TAOK3: variants seen among roughly 807,000 people sequenced by gnomAD.
The protein encoded by TAOK3 is TAO kinase 3, also known as serine/threonine-protein kinase TAO3.
Under a neutral mutation model 120.4 loss-of-function variants are expected in TAOK3, and 40 were observed. That is an observed-to-expected ratio of 0.33 (90% CI 0.26 to 0.43). The LOEUF (loss-of-function observed/expected upper bound fraction) is 0.43. Among genes scored for constraint, TAOK3 ranks in the 20% least tolerant of loss-of-function variants. TAOK3 has a pLI of 1.00. For missense variants in TAOK3, 821 were observed against 1,112.1 expected, an observed-to-expected ratio of 0.74 and a Z score of 3.72; for synonymous variants, 355 against 387.5, an observed-to-expected ratio of 0.92 and a Z score of 0.99.
At chr12:118,311,807 A>G (rs2043273435) in intron 1 of TAOK3, among the ~76,000 whole-genome samples, 1 of 152,222 alleles carries the variant, frequency 6.6e-6, no homozygotes, top group South Asian at 2.1e-4. Flanking sequence ...GAACTCAATG[A>G]AGTTACTGTT....
chr12:118,151,888 C>T (rs1161393011), intron 20 of TAOK3, among the ~76,000 whole-genome samples: 1 of 152,096 alleles, frequency 6.6e-6, no homozygotes, highest in African/African-American at 2.4e-5. Context: ...ATTTGGCTTC[C>T]TCGTGCCATT....
At chr12:118,214,600 G>A (rs987143572) in intron 9 of TAOK3, among the ~76,000 whole-genome samples, 9 of 149,028 alleles carry the variant, frequency 6.0e-5, no homozygotes, top group Admixed American at 2.7e-4. Context: ...TTTTTGTGAC[G>A]GAGTCTTGCT....
At chr12:118,370,365 T>C (rs2045863031) in intron 1 of TAOK3, among the ~76,000 whole-genome samples, 1 of 152,220 alleles carries the variant, frequency 6.6e-6, no homozygotes, top group Non-Finnish European at 1.5e-5. Flanking sequence ...GGCATCTGCA[T>C]TATATATTTA....
At chr12:118,207,625 C>T (rs1030088182) in intron 11 of TAOK3, among the ~76,000 whole-genome samples, 3 of 151,802 alleles carry the variant, frequency 2.0e-5, no homozygotes, top group Non-Finnish European at 4.4e-5. Context: ...GAGGCTGAGG[C>T]GGGTGGATTA....
At chr12:118,180,959 C>T (rs1329249006) in intron 15 of TAOK3, among the ~76,000 whole-genome samples, 2 of 151,962 alleles carry the variant, frequency 1.3e-5, no homozygotes, top group Non-Finnish European at 2.9e-5. Flanking sequence ...ATTCTCCTGC[C>T]TCAGCCTCCT....
rs2045941168 is a variant in TAOK3, at chr12:118,372,802, G to A, written c.-348C>T. On this transcript the variant is annotated 5_prime_UTR_variant, in exon 1 of 21. Transcript: ENST00000392533. This position sits in a 1 kb window ranked among gnomAD's most constrained non-coding sequence, Gnocchi z 4.6. ...ATCCGGCTGTGCGCAGCCTCTGCTC[G>A]CGGTCTCGGCGTTGCGTCCCACTCT... The A allele has an allele frequency of 2.0e-5, 3 of 152,476 alleles. No individual in the cohort carries two copies. The highest frequency in any genetic ancestry group is 2.0e-4 in the Admixed American group (3 of 15,270). The allele number at this position is 152,476 out of a possible 1,614,324, so 9.4% of individuals were successfully genotyped here.
intron 9 of TAOK3, among the ~76,000 whole-genome samples, chr12:118,225,143 G>T (rs2139702094): frequency 6.6e-6 from 1 of 151,128 alleles, no homozygotes; most frequent in South Asian, 2.1e-4. Flanking sequence ...AGCTACTCGG[G>T]AGGCTGAGGC....
At position 118,235,547 on chromosome 12, in the gene TAOK3, AT is replaced by A. The variant is rs754822425; in HGVS notation, c.551+10del. The A allele has an allele frequency of 6.2e-7, 1 of 1,604,844 alleles. No individual in the cohort carries two copies. ...TTTTAAAACTATGTCATATAGCCTA[AT>A]TCTACATACCAGTAAGGTGTGCCCA... On this transcript the variant is annotated intron_variant, in intron 8 of 20. Coordinates refer to ENST00000392533, the MANE Select transcript of TAOK3 (RefSeq NM_016281.4).
intron 11 of TAOK3, among the ~76,000 whole-genome samples, chr12:118,206,266 C>G (rs2038305841): frequency 6.6e-6 from 1 of 152,190 alleles, no homozygotes; most frequent in African/African-American, 2.4e-5. Context: ...TGTTGAGCTG[C>G]TTAGAGCTTT....
chr12:118,358,960 A>G (rs2045500847), intron 1 of TAOK3: 1 of 152,192 alleles, frequency 6.6e-6, no homozygotes, highest in African/African-American at 2.4e-5. Context: ...TTCCAGTTCA[A>G]CATACTAAAG....
chr12:118,165,011 A>G (rs2035491611), intron 17 of TAOK3, among the ~76,000 whole-genome samples: 2 of 152,206 alleles, frequency 1.3e-5, no homozygotes, highest in African/African-American at 4.8e-5. Flanking sequence ...GGGATAGAAC[A>G]GTGAACATGT....
Position 118,235,814 on chromosome 12 carries a change from G to A in TAOK3, c.438-143C>T, listed in dbSNP as rs946407158. ...ACAAACCTTGCTCAGATAGCCAGAA[G>A]GAGATTTAGTAATTACTGCATGTTG... is the stretch of plus-strand genomic sequence containing the variant. On this transcript the variant is annotated intron_variant, in intron 7 of 20. Transcript: ENST00000392533. 1.1e-4 allele frequency: 65 copies of A among 592,040 alleles called. 2 individuals carry two copies. The South Asian group carries it at 1.4e-3, about 13-fold the overall frequency. 36.7% of individuals were successfully genotyped at this position (592,040 alleles called of 1,614,324 possible). A position where few individuals can be genotyped will look rare whatever the true frequency, so the allele number is the denominator to read the frequency against.
chr12:118,258,666 C>A (rs945171230), intron 2 of TAOK3, among the ~76,000 whole-genome samples: 8 of 150,802 alleles, frequency 5.3e-5, no homozygotes, highest in African/African-American at 2.0e-4. Flanking sequence ...GAGCCGAGAT[C>A]GTGCCACTGC....
chr12:118,352,603 T>C (rs2045223202), intron 1 of TAOK3, among the ~76,000 whole-genome samples: 1 of 152,200 alleles, frequency 6.6e-6, no homozygotes, highest in Non-Finnish European at 1.5e-5. Flanking sequence ...ATTACAAAAC[T>C]GTCTTCATTT....
At chr12:118,246,172 G>A (rs973131756) in intron 3 of TAOK3, 10 of 1,420,560 alleles carry the variant, frequency 7.0e-6, no homozygotes, top group East Asian at 2.4e-5. Context: ...GGAGGTTTCG[G>A]CAGTGGCATC....
intron 1 of TAOK3, among the ~76,000 whole-genome samples, chr12:118,270,969 G>A (rs1046729952): frequency 2.6e-5 from 4 of 152,002 alleles, no homozygotes; most frequent in African/African-American, 4.8e-5. Context: ...GAGCCACCAC[G>A]CCCGGCTAAA....
chr12:118,264,467 A>G (rs1220705076), intron 2 of TAOK3, among the ~76,000 whole-genome samples: 1 of 152,236 alleles, frequency 6.6e-6, no homozygotes, highest in African/African-American at 2.4e-5. Context: ...AAAATAGCAC[A>G]TACTTTATGA....
chr12:118,151,530 A>C (rs61943524), intron 20 of TAOK3, among the ~76,000 whole-genome samples: 15,465 of 152,204 alleles, frequency 0.1, 996 homozygotes, highest in Middle Eastern at 0.15. Context: ...ACTCAAGCAC[A>C]ATTGGATTGT....
At chr12:118,285,560 C>G (rs2140461472) in intron 1 of TAOK3, among the ~76,000 whole-genome samples, 1 of 152,086 alleles carries the variant, frequency 6.6e-6, no homozygotes, top group South Asian at 2.1e-4. Flanking sequence ...ACCATGTTGG[C>G]CAGGCTGGTC....
Sources: allele counts gnomAD v4.1 joint callset (sites outside exome capture counted in the v4.1 genomes callset), GRCh38; gene constraint gnomAD v4.1.1; non-coding constraint Gnocchi (gnomAD v3.1); transcripts MANE v1.5; gene names NCBI Gene and HGNC (gene_info 2026-07-23, HGNC 2026-07-21).